Variants in NELL1 observed in about 807,000 individuals in gnomAD.
The protein encoded by NELL1 is protein kinase C-binding protein NELL1.
A neutral mutation model predicts 107.4 loss-of-function variants in NELL1; 76 were observed. That is an observed-to-expected ratio of 0.71 (90% confidence interval 0.59 to 0.86). NELL1 has a LOEUF of 0.86. Among genes scored for constraint, NELL1 ranks in the 40% least tolerant of loss-of-function variants. NELL1 has a pLI of 0.00. For synonymous variants in NELL1, 353 were observed against 341.2 expected (o/e 1.03, Z -0.38); for missense variants, 1,024 against 1,005.5 (o/e 1.02, Z -0.25).
chr11:20,728,103 C>A (rs1055181160), intron 2 of NELL1, among the ~76,000 whole-genome samples: 6 of 151,992 alleles, frequency 3.9e-5, no homozygotes, highest in African/African-American at 1.4e-4. Flanking sequence ...TTCTATGTAT[C>A]TTTTCGAGGA....
intron 3 of NELL1, among the ~76,000 whole-genome samples, chr11:20,828,540 T>G (rs1564925589): frequency 6.6e-6 from 1 of 152,306 alleles, no homozygotes; most frequent in Middle Eastern, 3.4e-3. Flanking sequence ...TGCTCAATTC[T>G]TGTTTGGGAT....
At chr11:21,518,385 G>T (rs865774309) in intron 15 of NELL1, among the ~76,000 whole-genome samples, 1 of 152,008 alleles carries the variant, frequency 6.6e-6, no homozygotes, top group Non-Finnish European at 1.5e-5. Context: ...AAGCCTCCTT[G>T]TTTCATTTGG....
At position 20,811,411 on chromosome 11, in the gene NELL1, T is replaced by A. The variant is rs113342241; in HGVS notation, c.335+27581T>A. On this transcript the variant is annotated intron_variant, in intron 3 of 19. Transcript: ENST00000357134. ...CTAGCTTTCTTTTTGCTCAAGATTG[T>A]TTTGGCTATTTGAGATTTTTTGAGG... Among the ~76,000 whole-genome samples the A allele has an allele frequency of 8.6e-3, 1,306 of 152,240 alleles. 19 individuals are homozygous for A. Among genetic ancestry groups the A allele is most frequent in the African/African-American group, 0.03 (1,250 of 41,554 alleles).
chr11:20,683,280 A>G (rs996236031), intron 2 of NELL1, among the ~76,000 whole-genome samples: 46 of 152,246 alleles, frequency 3.0e-4, no homozygotes, highest in Non-Finnish European at 3.7e-4. Flanking sequence ...AATAAAATCA[A>G]TTATACGTTT....
At chr11:20,752,507 C>T (rs1039092666) in intron 2 of NELL1, among the ~76,000 whole-genome samples, 1 of 152,174 alleles carries the variant, frequency 6.6e-6, no homozygotes, top group Non-Finnish European at 1.5e-5. Context: ...CAGGATCGCA[C>T]CATTGCACTC....
intron 13 of NELL1, among the ~76,000 whole-genome samples, chr11:21,220,530 G>A (rs1857729149): frequency 6.6e-6 from 1 of 151,980 alleles, no homozygotes. Flanking sequence ...ACATTTTTGT[G>A]TGTCCTCTTT....
chr11:21,309,288 A>ATATGTG (rs1554999588), intron 14 of NELL1, among the ~76,000 whole-genome samples: 7 of 117,338 alleles, frequency 6.0e-5, no homozygotes, highest in Admixed American at 2.8e-4. Context: ...ATGTATATAT[A>ATATGTG]TATATATATA....
At chr11:20,973,599 C>A (rs1363952454) in intron 12 of NELL1, among the ~76,000 whole-genome samples, 3 of 152,104 alleles carry the variant, frequency 2.0e-5, no homozygotes, top group African/African-American at 7.2e-5. Context: ...TGGATTCTTC[C>A]CACTGACATT....
chr11:20,813,469 TAA>T (rs5790143), intron 3 of NELL1, among the ~76,000 whole-genome samples: 1 of 151,982 alleles, frequency 6.6e-6, no homozygotes, highest in Non-Finnish European at 1.5e-5. Flanking sequence ...GAGGACGTGA[TAA>T]AAAAAAACCA....
At chr11:20,778,917 C>A (rs1462999554) in intron 2 of NELL1, among the ~76,000 whole-genome samples, 7 of 152,134 alleles carry the variant, frequency 4.6e-5, no homozygotes, top group African/African-American at 1.7e-4. Context: ...CACCAGCCCA[C>A]CCAGTTCCTG....
intron 5 of NELL1, among the ~76,000 whole-genome samples, chr11:20,911,140 T>C (rs750193789): frequency 6.6e-6 from 1 of 152,202 alleles, no homozygotes; most frequent in Non-Finnish European, 1.5e-5. Flanking sequence ...TCTCTGTAGA[T>C]ATAAAGAACT....
At chr11:20,719,913 T>C (rs1484070181) in intron 2 of NELL1, among the ~76,000 whole-genome samples, 1 of 152,192 alleles carries the variant, frequency 6.6e-6, no homozygotes, top group East Asian at 1.9e-4. Context: ...GTTAGTCACT[T>C]TTCTTTATCT....
chr11:21,312,177 A>G (rs376574088), intron 14 of NELL1, among the ~76,000 whole-genome samples: 25 of 152,292 alleles, frequency 1.6e-4, no homozygotes, highest in East Asian at 9.7e-4. Flanking sequence ...GAACTAAGGC[A>G]GTAAGTAAAC....
chr11:21,403,377 C>G (rs552807113), intron 15 of NELL1, among the ~76,000 whole-genome samples: 2 of 151,766 alleles, frequency 1.3e-5, no homozygotes, highest in South Asian at 4.2e-4. Flanking sequence ...CCAATCCAAC[C>G]TATCTTAAAC....
chr11:20,739,982 A>G (rs1855854945), intron 2 of NELL1, among the ~76,000 whole-genome samples: 1 of 152,184 alleles, frequency 6.6e-6, no homozygotes, highest in South Asian at 2.1e-4. Context: ...TCACTCAACA[A>G]ATATTTATTG....
intron 14 of NELL1, among the ~76,000 whole-genome samples, chr11:21,309,302 A>ATATAATATATATATATATATATG (rs1565160585): frequency 2.7e-4 from 34 of 127,894 alleles, no homozygotes; most frequent in African/African-American, 9.9e-4. Flanking sequence ...ATATATATGT[A>ATATAATATATATATATATATATG]TATATATATA....
At chr11:20,742,307 A>G (rs546335437) in intron 2 of NELL1, among the ~76,000 whole-genome samples, 1 of 152,292 alleles carries the variant, frequency 6.6e-6, no homozygotes, top group South Asian at 2.1e-4. Context: ...GAGAGTTCAA[A>G]GAGGTAGTAG....
intron 12 of NELL1, among the ~76,000 whole-genome samples, chr11:21,035,242 C>T (rs1853059756): frequency 6.6e-6 from 1 of 151,880 alleles, no homozygotes. Flanking sequence ...AGTAGCCTAC[C>T]AACCAGAAAC....
intron 5 of NELL1, among the ~76,000 whole-genome samples, chr11:20,896,458 A>G (rs1369923778): frequency 1.3e-5 from 2 of 152,194 alleles, no homozygotes; most frequent in African/African-American, 4.8e-5. Flanking sequence ...TCTTTTTCAT[A>G]TAATGACTTC....
Sources: gnomAD v4.1 joint callset for allele counts (sites outside exome capture counted in the v4.1 genomes callset) on GRCh38, gnomAD v4.1.1 for gene constraint, MANE v1.5 for transcripts, NCBI Gene and HGNC (gene_info 2026-07-23, HGNC 2026-07-21) for gene names.